The following MTRF1L variants were observed in gnomAD, a reference collection of about 807,000 sequenced individuals.
MTRF1L encodes mitochondrial translation release factor 1 like, also known as peptide chain release factor 1-like, mitochondrial.
MTRF1L carries 29 observed loss-of-function variants against 40.0 expected under a neutral mutation model. The observed-to-expected ratio is 0.73, with a 90% CI of 0.54 to 0.99. MTRF1L has a LOEUF of 0.99. Among genes scored for constraint, MTRF1L ranks in the 50% least tolerant of loss-of-function variants. The pLI is 0.00. For synonymous variants in MTRF1L, 150 were observed against 175.8 expected, an observed-to-expected ratio of 0.85 and a Z score of 1.16; for missense variants, 412 against 464.5, an observed-to-expected ratio of 0.89 and a Z score of 1.04.
chr6:153,002,470 G>T lies in MTRF1L; in HGVS notation c.216C>A (p.Asn72Lys). The T allele has an allele frequency of 6.2e-7, 1 of 1,613,850 alleles. No homozygotes were observed. The highest frequency in any genetic ancestry group is 8.5e-7 in the Non-Finnish European group (1 of 1,179,858). The part of the protein sequence containing the change: ...PELLAVIKLL[N>K]EKERELRETE... ...TCTCCCGCAGCTCCCGCTCCTTCTC[G>T]TTCAGCAGTTTGATCACCGCCAGCA... Residue 72 changes from asparagine (N) to lysine (K), a missense_variant, in exon 1 of 7, where the codon AAC becomes AAA. Physicochemically the swap from Asn to Lys is moderately conservative, Grantham distance 94 (BLOSUM62 0). Coordinates refer to ENST00000367233, the MANE Select transcript of MTRF1L (RefSeq NM_019041.7).
Position 152,990,110 on chromosome 6 carries a change from AAAG to A in MTRF1L, c.943-18_943-16del. The A allele has an allele frequency of 6.2e-7, 1 of 1,608,946 alleles. No individual in the cohort carries two copies. The highest frequency in any genetic ancestry group is 8.5e-7 in the Non-Finnish European group (1 of 1,177,958). On this transcript the variant is annotated splice_polypyrimidine_tract_variant and intron_variant, in intron 6 of 6. Coordinates refer to ENST00000367233, the MANE Select transcript of MTRF1L (RefSeq NM_019041.7). ...TTACTTCCAATCTGTATATAGAGAA[AAAG>A]ATGAGATGCAGCTAGATTCAGGGCA...
chr6:152,996,920 A>G (rs1778734084), intron 2 of MTRF1L, among the ~76,000 whole-genome samples: 1 of 152,220 alleles, frequency 6.6e-6, no homozygotes, highest in Non-Finnish European at 1.5e-5. Context: ...TTGTAACAAA[A>G]TAAACTCGTG....
Position 153,002,602 on chromosome 6 carries a change from G to A in MTRF1L, c.84C>T (p.Ser28=). 1 of 1,546,942 alleles carries A rather than the reference G, an allele frequency of 6.5e-7. No individual in the cohort carries two copies. The highest frequency in any genetic ancestry group is 1.4e-5 in the African/African-American group (1 of 72,828). ...AVGPARRPLS[S]GSPPLEELFT... is the part of the protein sequence containing the mutation. Reference sequence around the variant, plus strand: ...ACAGCTCCTCCAGCGGCGGGCTACCGGAGCTCAGGGGCCGGCGGGCTGGGC... The same window carrying A: ...ACAGCTCCTCCAGCGGCGGGCTACCAGAGCTCAGGGGCCGGCGGGCTGGGC... The change falls in exon 1 of 7, where the codon TCC becomes TCT. Residue 28 remains serine (S), a synonymous_variant. Coordinates refer to ENST00000367233, the MANE Select transcript of MTRF1L (RefSeq NM_019041.7).
intron 4 of MTRF1L, among the ~76,000 whole-genome samples, chr6:152,993,708 C>A (rs115172256): frequency 6.6e-6 from 1 of 152,160 alleles, no homozygotes; most frequent in Non-Finnish European, 1.5e-5. Context: ...AAAACTTCCA[C>A]CCCAAGATGG....
chr6:152,991,299 T>C lies in MTRF1L; in HGVS notation c.828A>G (p.Gln276=), dbSNP rs1231246081. 10 of 1,597,938 alleles carry C rather than the reference T, an allele frequency of 6.3e-6. No homozygotes were observed. The highest frequency in any genetic ancestry group is 8.5e-6 in the Non-Finnish European group (10 of 1,174,852). ...LPTGVVSECQ[Q]ERSQLKNKEL... ...CTTTATTTTTCAGCTGAGATCTCTC[T>C]TGTTGACATTCAGAAACAACACCTG... Residue 276 remains glutamine (Q), a synonymous_variant, in exon 6 of 7, where the codon CAA becomes CAG. Coordinates refer to ENST00000367233, the MANE Select transcript of MTRF1L (RefSeq NM_019041.7).
chr6:152,998,067 A>G (rs975823498), intron 2 of MTRF1L, among the ~76,000 whole-genome samples: 1 of 144,992 alleles, frequency 6.9e-6, no homozygotes, highest in Non-Finnish European at 1.5e-5. Context: ...TTATATATAT[A>G]TTTTTTTATC....
Position 152,992,914 on chromosome 6 carries a change from C to T in MTRF1L, c.748G>A (p.Gly250Arg). Reference protein sequence around the residue: ...RIDTKRASGAGGQHVNTTDSA... With the variant: ...RIDTKRASGARGQHVNTTDSA... Reference sequence around the variant, plus strand: ...TCCGTGGTATTTACATGCTGCCCCCCAGCTCCACTGGCTCGCTTAGTGTCA... The same window carrying T: ...TCCGTGGTATTTACATGCTGCCCCCTAGCTCCACTGGCTCGCTTAGTGTCA... Residue 250 changes from glycine (G) to arginine (R), a missense_variant, in exon 5 of 7, where the codon GGG becomes AGG. Physicochemically the swap from Gly to Arg is moderately radical, Grantham distance 125 (BLOSUM62 -2). Transcript: ENST00000367233. 1.9e-6 allele frequency: 3 copies of T among 1,612,606 alleles called. No homozygotes were observed. The highest frequency in any genetic ancestry group is 2.5e-6 in the Non-Finnish European group (3 of 1,179,992).
At chr6:152,998,856 T>C in intron 1 of MTRF1L, 1 of 275,736 alleles carries the variant, frequency 3.6e-6, no homozygotes, top group Non-Finnish European at 6.7e-6. Context: ...TAAAATTTTT[T>C]TTCTGATAAA....
chr6:152,998,726 G>A, intron 1 of MTRF1L, 97 bp from the exon 2 acceptor site: 3 of 708,824 alleles, frequency 4.2e-6, no homozygotes, highest in East Asian at 3.2e-5. Flanking sequence ...ATAGCTGAAG[G>A]GAAAAATAAA....
At chr6:152,991,426 G>C (rs1188086035) in intron 5 of MTRF1L, 105 bp from the exon 6 acceptor site, 1 of 1,287,076 alleles carries the variant, frequency 7.8e-7, no homozygotes, top group African/African-American at 1.6e-5. Flanking sequence ...CCTTTATGAG[G>C]GGAAAAAACA....
At chr6:152,993,010 C>T (rs1778584080) in intron 4 of MTRF1L, 36 bp from the exon 5 acceptor site, 1 of 1,514,354 alleles carries the variant, frequency 6.6e-7, no homozygotes, top group Non-Finnish European at 9.2e-7. Context: ...TAAAAGATTA[C>T]ATGTATCAAC....
chr6:152,997,376 G>C (rs1244426290), intron 2 of MTRF1L, among the ~76,000 whole-genome samples: 1 of 152,216 alleles, frequency 6.6e-6, no homozygotes, highest in Admixed American at 6.5e-5. Flanking sequence ...CTGGATGGGT[G>C]CCAGAACCTT....
chr6:152,998,986 C>T (rs775816540), intron 1 of MTRF1L, among the ~76,000 whole-genome samples: 4 of 151,948 alleles, frequency 2.6e-5, no homozygotes, highest in Non-Finnish European at 4.4e-5. Flanking sequence ...TGTATAATAA[C>T]GAATGCATTT....
At chr6:152,991,838 C>T (rs953085589) in intron 5 of MTRF1L, among the ~76,000 whole-genome samples, 1 of 152,132 alleles carries the variant, frequency 6.6e-6, no homozygotes, top group Non-Finnish European at 1.5e-5. Context: ...CGTGAGCCAC[C>T]GCGCCCGGCC....
At chr6:152,994,799 G>T in intron 3 of MTRF1L, 123 bp from the exon 4 acceptor site, 1 of 1,152,286 alleles carries the variant, frequency 8.7e-7, no homozygotes, top group Non-Finnish European at 1.3e-6. Context: ...CATGGAGACT[G>T]TAAAACATAT....
At chr6:153,002,149 C>T (rs1778940111) in intron 1 of MTRF1L, among the ~76,000 whole-genome samples, 1 of 152,198 alleles carries the variant, frequency 6.6e-6, no homozygotes, top group Non-Finnish European at 1.5e-5. Context: ...ATCACAGGGA[C>T]AGTGCCTTAT....
At chr6:152,990,955 A>G (rs1394809110) in intron 6 of MTRF1L, among the ~76,000 whole-genome samples, 1 of 152,224 alleles carries the variant, frequency 6.6e-6, no homozygotes, top group Admixed American at 6.5e-5. Context: ...AGGACTCAGT[A>G]TATATCTTTA....
intron 3 of MTRF1L, 52 bp from the exon 4 acceptor site, chr6:152,994,728 ATAAT>A (rs1778653912): frequency 6.3e-7 from 1 of 1,597,572 alleles, no homozygotes; most frequent in Non-Finnish European, 8.6e-7. Context: ...CCATTTATAA[ATAAT>A]TGACCATCAC....
Position 152,992,887 on chromosome 6 carries a change from T to G in MTRF1L, c.775A>C (p.Ser259Arg). 2 of 1,612,270 alleles carry G rather than the reference T, an allele frequency of 1.2e-6. No homozygotes were observed. The highest frequency in any genetic ancestry group is 1.7e-6 in the Non-Finnish European group (2 of 1,179,988). Residue 259 changes from serine (S) to arginine (R), a missense_variant, in exon 5 of 7, where the codon AGT becomes CGT. Transcript: ENST00000367233. ...GGAAGATGAACTATCCGGACAGCAC[T>G]GTCCGTGGTATTTACATGCTGCCCC... is the stretch of plus-strand genomic sequence containing the variant. Reference protein sequence around the residue: ...AGGQHVNTTDSAVRIVHLPTG... With the variant: ...AGGQHVNTTDRAVRIVHLPTG...
Sources: allele counts gnomAD v4.1 joint callset (sites outside exome capture counted in the v4.1 genomes callset), GRCh38; gene constraint gnomAD v4.1.1; transcripts MANE v1.5; gene names NCBI Gene and HGNC (gene_info 2026-07-23, HGNC 2026-07-21).